PARD3B: variants seen among roughly 807,000 people sequenced by gnomAD.
PARD3B encodes the protein partitioning defective 3 homolog B.
A neutral mutation model predicts 130.2 loss-of-function variants in PARD3B; 103 were observed. The ratio of observed to expected loss-of-function variants is 0.79; its 90% CI spans 0.67 to 0.93. The LOEUF (loss-of-function observed/expected upper bound fraction) is 0.93. Ranked by LOEUF, PARD3B falls within the 40% of genes least tolerant of loss-of-function variation. PARD3B has a pLI of 0.00. For missense variants in PARD3B, 1,609 were observed against 1,499.2 expected (o/e 1.07, Z -1.21); for synonymous variants, 583 against 553.2 (o/e 1.05, Z -0.76).
intron 5 of PARD3B, among the ~76,000 whole-genome samples, chr2:205,107,167 C>G (rs1703282587): frequency 6.6e-6 from 1 of 152,198 alleles, no homozygotes; most frequent in African/African-American, 2.4e-5. Context: ...TCAGCTACAC[C>G]ATTATAATAA....
At chr2:204,679,679 T>C (rs1330395145) in intron 1 of PARD3B, among the ~76,000 whole-genome samples, 1 of 152,102 alleles carries the variant, frequency 6.6e-6, no homozygotes, top group Non-Finnish European at 1.5e-5. Flanking sequence ...TTTTAATTTT[T>C]TTTAATCTTT....
intron 18 of PARD3B, among the ~76,000 whole-genome samples, chr2:205,310,099 T>C (rs78853239): frequency 6.6e-6 from 1 of 150,410 alleles, no homozygotes; most frequent in Non-Finnish European, 1.5e-5. Context: ...TTTTTTTTTT[T>C]TTTGAGACAG....
chr2:204,934,591 A>G (rs1688270240), intron 2 of PARD3B, among the ~76,000 whole-genome samples: 1 of 152,192 alleles, frequency 6.6e-6, no homozygotes, highest in African/African-American at 2.4e-5. Context: ...TAGGCTTTTA[A>G]GGCTCATGCA....
At chr2:204,739,577 C>A (rs2039907312) in intron 2 of PARD3B, among the ~76,000 whole-genome samples, 1 of 152,114 alleles carries the variant, frequency 6.6e-6, no homozygotes, top group South Asian at 2.1e-4. Context: ...GCCTCAGCCT[C>A]CTGAGTAGCT....
At chr2:204,814,412 A>G (rs889807099) in intron 2 of PARD3B, among the ~76,000 whole-genome samples, 3 of 151,760 alleles carry the variant, frequency 2.0e-5, no homozygotes, top group African/African-American at 4.8e-5. Flanking sequence ...CTTATAATCT[A>G]TAACATAAAC....
In PARD3B at chr2:205,281,580, G is replaced by A. The variant is rs904605778; in HGVS notation, c.2186-18950G>A. Among the ~76,000 whole-genome samples, 3 of 152,056 alleles carry A rather than the reference G, an allele frequency of 2.0e-5. No homozygotes were observed. Among genetic ancestry groups the A allele is most frequent in the Admixed American group, 2.0e-4 (3 of 15,264 alleles). On this transcript the variant is annotated intron_variant, in intron 16 of 22. Transcript: ENST00000406610. This position sits in a 1 kb window ranked among gnomAD's most constrained non-coding sequence, Gnocchi z 4.2. The stretch of plus-strand genomic sequence containing the variant: ...GAAATCCACTTTTTTTCCTAAGTTG[G>A]GAAAATACATGCCTCACATCATAGA...
intron 13 of PARD3B, among the ~76,000 whole-genome samples, chr2:205,178,226 G>GT (rs996301798): frequency 6.9e-6 from 1 of 145,648 alleles, no homozygotes; most frequent in Non-Finnish European, 1.5e-5. Flanking sequence ...TACTATGGGG[G>GT]GGGAAAAAAA....
rs559319809 is a variant in PARD3B, at chr2:205,318,828, G to A, written c.2630+17127G>A. Among the ~76,000 whole-genome samples, 4 of 152,192 alleles carry A rather than the reference G, an allele frequency of 2.6e-5. 1 individual carries two copies. Among genetic ancestry groups the A allele is most frequent in the African/African-American group, 9.6e-5 (4 of 41,530 alleles). ...TAACTCCACCTCACCCAGCATCTTAGTGTCAACAACAAGCTCAGGCCACAC... is the reference window on the plus strand; with the variant it reads ...TAACTCCACCTCACCCAGCATCTTAATGTCAACAACAAGCTCAGGCCACAC... On this transcript the variant is annotated intron_variant, in intron 18 of 22. Transcript: ENST00000406610.
At chr2:204,794,512 A>G (rs1247397143) in intron 2 of PARD3B, among the ~76,000 whole-genome samples, 1 of 152,074 alleles carries the variant, frequency 6.6e-6, no homozygotes, top group African/African-American at 2.4e-5. Flanking sequence ...TGGTGGAAAC[A>G]CTTTGACGTG....
chr2:205,580,010 T>A (rs1448161293), intron 22 of PARD3B, among the ~76,000 whole-genome samples: 3 of 152,172 alleles, frequency 2.0e-5, no homozygotes, highest in Non-Finnish European at 4.4e-5. Flanking sequence ...TCACTGACAT[T>A]CCTTCTGTGA....
intron 3 of PARD3B, among the ~76,000 whole-genome samples, chr2:204,982,614 C>G (rs1692771219): frequency 6.6e-6 from 1 of 152,198 alleles, no homozygotes; most frequent in Non-Finnish European, 1.5e-5. Context: ...CCAGTACCAA[C>G]TCACTCTAAC....
At chr2:205,046,081 A>T (rs1030086868) in intron 3 of PARD3B, among the ~76,000 whole-genome samples, 1 of 152,104 alleles carries the variant, frequency 6.6e-6, no homozygotes, top group African/African-American at 2.4e-5. Context: ...TCCTTTGAGG[A>T]TATTGCATTT....
chr2:205,497,085 G>A (rs1214039635), intron 20 of PARD3B, among the ~76,000 whole-genome samples: 1 of 151,424 alleles, frequency 6.6e-6, no homozygotes, highest in Non-Finnish European at 1.5e-5. Context: ...GTTCAGAAAA[G>A]CTTATCAAGA....
At chr2:205,219,765 C>T (rs2038139236) in intron 15 of PARD3B, among the ~76,000 whole-genome samples, 1 of 152,138 alleles carries the variant, frequency 6.6e-6, no homozygotes, top group Non-Finnish European at 1.5e-5. Flanking sequence ...CCATTCTGGG[C>T]TGGCTCATTA....
In PARD3B at chr2:204,943,862, G is replaced by A. The variant is rs1020260078; in HGVS notation, c.223-21290G>A. ...ATAACACTAGAAAACTGAGATTTCA[G>A]AGGGGAAACAAAGTTAAAGCCCAAA... On this transcript the variant is annotated intron_variant, in intron 2 of 22. Coordinates refer to ENST00000406610, the MANE Select transcript of PARD3B (RefSeq NM_001302769.2). The surrounding 1 kb of genome is among the most constrained non-coding windows in gnomAD (Gnocchi z 4.2). 3.9e-5 allele frequency among the ~76,000 whole-genome samples: 6 copies of A among 152,192 alleles called. No individual in the cohort carries two copies. Among genetic ancestry groups the A allele is most frequent in the African/African-American group, 1.4e-4 (6 of 41,456 alleles).
chr2:204,933,083 G>T (rs974674641), intron 2 of PARD3B, among the ~76,000 whole-genome samples: 1 of 152,194 alleles, frequency 6.6e-6, no homozygotes, highest in Non-Finnish European at 1.5e-5. Context: ...GTGAAGAACT[G>T]ATTGCTCTAA....
At chr2:204,743,511 C>T (rs1449233678) in intron 2 of PARD3B, among the ~76,000 whole-genome samples, 1 of 152,094 alleles carries the variant, frequency 6.6e-6, no homozygotes, top group Non-Finnish European at 1.5e-5. Flanking sequence ...GGTTTCTCAT[C>T]ATGTGCATGT....
At chr2:205,004,109 A>G (rs1383802352) in intron 3 of PARD3B, among the ~76,000 whole-genome samples, 1 of 152,214 alleles carries the variant, frequency 6.6e-6, no homozygotes, top group Non-Finnish European at 1.5e-5. Context: ...TTGACAAGGC[A>G]ATGGAAGAGT....
chr2:204,561,326 T>C (rs1477976944), intron 1 of PARD3B, among the ~76,000 whole-genome samples: 1 of 152,204 alleles, frequency 6.6e-6, no homozygotes, highest in Non-Finnish European at 1.5e-5. Context: ...TATGGGTGGC[T>C]TTTAGACTTT....
Sources: allele counts gnomAD v4.1 joint callset (sites outside exome capture counted in the v4.1 genomes callset), GRCh38; gene constraint gnomAD v4.1.1; non-coding constraint Gnocchi (gnomAD v3.1); transcripts MANE v1.5; gene names NCBI Gene and HGNC (gene_info 2026-07-23, HGNC 2026-07-21).